Variants in FAM163A observed in about 807,000 individuals in gnomAD.
The protein encoded by FAM163A is family with sequence similarity 163 member A.
A neutral mutation model predicts 12.0 loss-of-function variants in FAM163A; 7 were observed. The observed-to-expected ratio is 0.58, with a 90% confidence interval of 0.33 to 1.10. FAM163A has a LOEUF of 1.10. FAM163A is among the 50% of genes least tolerant of loss of function. FAM163A has a pLI of 0.03. For missense variants in FAM163A, 202 were observed against 218.6 expected (o/e 0.92, Z 0.48); for synonymous variants, 101 against 91.0 (o/e 1.11, Z -0.62).
chr1:179,728,504 T>C, the FAM163A span, among the ~76,000 whole-genome samples: 1 of 152,184 alleles, frequency 6.6e-6, no homozygotes, highest in African/African-American at 2.4e-5. Context: ...TTTTTCTCTC[T>C]GCAGCTCCTG....
chr1:179,782,911 G>A (rs920803883), intron 1 of FAM163A, among the ~76,000 whole-genome samples: 1 of 152,176 alleles, frequency 6.6e-6, no homozygotes, highest in Non-Finnish European at 1.5e-5. Flanking sequence ...CAGCCTGTGT[G>A]CATTTCCAGC....
At chr1:179,749,169 T>C (rs111696038) in intron 1 of FAM163A, among the ~76,000 whole-genome samples, 17 of 152,338 alleles carry the variant, frequency 1.1e-4, no homozygotes, top group African/African-American at 4.1e-4. Flanking sequence ...CTCTCATTCA[T>C]CTACTCTTGC....
chr1:179,789,758 C>T (rs556664941), intron 1 of FAM163A, among the ~76,000 whole-genome samples: 1 of 152,256 alleles, frequency 6.6e-6, no homozygotes, highest in East Asian at 1.9e-4. Flanking sequence ...AGAACACAGG[C>T]ACTCAAAGGC....
At chr1:179,802,884 G>A (rs1333015668) in intron 1 of FAM163A, among the ~76,000 whole-genome samples, 1 of 151,968 alleles carries the variant, frequency 6.6e-6, no homozygotes, top group East Asian at 1.9e-4. Flanking sequence ...GTTATATTGG[G>A]GTTCTTGGGG....
At chr1:179,748,493 T>A (rs551807119) in intron 1 of FAM163A, among the ~76,000 whole-genome samples, 1 of 152,188 alleles carries the variant, frequency 6.6e-6, no homozygotes. Context: ...ATTCAGAAAA[T>A]GTCTGTTGTC....
At chr1:179,778,909 G>A (rs771784756) in intron 1 of FAM163A, among the ~76,000 whole-genome samples, 2 of 152,188 alleles carry the variant, frequency 1.3e-5, no homozygotes, top group Non-Finnish European at 2.9e-5. Flanking sequence ...TAGAGGCTCC[G>A]AGCTAGACTC....
chr1:179,772,313 C>T (rs962635583), intron 1 of FAM163A, among the ~76,000 whole-genome samples: 10 of 152,176 alleles, frequency 6.6e-5, no homozygotes, highest in African/African-American at 2.2e-4. Flanking sequence ...TTCCTCCAAC[C>T]CTCACCCTTG....
chr1:179,783,127 C>G (rs534584634), intron 1 of FAM163A, among the ~76,000 whole-genome samples: 206 of 100,872 alleles, frequency 2.0e-3, no homozygotes, highest in African/African-American at 7.8e-3. Flanking sequence ...GAAACTCCGT[C>G]TTAAAAAAAA....
chr1:179,809,917 C>T (rs1212950297), intron 2 of FAM163A, among the ~76,000 whole-genome samples: 1 of 152,130 alleles, frequency 6.6e-6, no homozygotes, highest in African/African-American at 2.4e-5. Context: ...GAAGCATGGC[C>T]CGCCATGCAC....
At chr1:179,734,330 C>G in the FAM163A span, among the ~76,000 whole-genome samples, 2 of 152,322 alleles carry the variant, frequency 1.3e-5, no homozygotes, top group East Asian at 3.9e-4. Flanking sequence ...ATTGACTAAA[C>G]AGTACTTGAC....
chr1:179,756,484 A>G (rs1686040842), intron 1 of FAM163A, among the ~76,000 whole-genome samples: 1 of 152,230 alleles, frequency 6.6e-6, no homozygotes, highest in African/African-American at 2.4e-5. Flanking sequence ...GCCATTAATT[A>G]AACAGTAGAA....
intron 1 of FAM163A, among the ~76,000 whole-genome samples, chr1:179,762,287 G>A (rs1474727308): frequency 6.6e-6 from 1 of 152,208 alleles, no homozygotes; most frequent in Non-Finnish European, 1.5e-5. Flanking sequence ...AGATTTATAA[G>A]TAGATGCCTG....
chr1:179,744,706 T>A (rs1684202501), intron 1 of FAM163A, among the ~76,000 whole-genome samples: 1 of 152,070 alleles, frequency 6.6e-6, no homozygotes, highest in Admixed American at 6.5e-5. Context: ...AGGCACTTTC[T>A]CCTGTCATTT....
chr1:179,747,322 T>G (rs1204329257), intron 1 of FAM163A, among the ~76,000 whole-genome samples: 1 of 152,216 alleles, frequency 6.6e-6, no homozygotes, highest in Non-Finnish European at 1.5e-5. Flanking sequence ...CCCGGCTCAG[T>G]TCCCCCTACT....
At chr1:179,808,324 A>C (rs116540815) in intron 2 of FAM163A, among the ~76,000 whole-genome samples, 6 of 152,386 alleles carry the variant, frequency 3.9e-5, no homozygotes, top group Non-Finnish European at 7.3e-5. Flanking sequence ...CCACAAACTC[A>C]GCAGCTTAAA....
chr1:179,737,933 T>C, the FAM163A span, among the ~76,000 whole-genome samples: 2 of 152,230 alleles, frequency 1.3e-5, no homozygotes, highest in Non-Finnish European at 2.9e-5. Context: ...GGTTTCGCAG[T>C]ATGTCCAAAC....
At chr1:179,744,415 C>T (rs922236332) in intron 1 of FAM163A, among the ~76,000 whole-genome samples, 3 of 152,196 alleles carry the variant, frequency 2.0e-5, no homozygotes, top group African/African-American at 7.2e-5. Flanking sequence ...CGCCACCCGG[C>T]CTGGCCTGGG....
intron 1 of FAM163A, among the ~76,000 whole-genome samples, chr1:179,774,407 C>T (rs1688669997): frequency 6.6e-6 from 1 of 152,212 alleles, no homozygotes; most frequent in Non-Finnish European, 1.5e-5. Flanking sequence ...CAAGGATGAG[C>T]TTTAGGGGTT....
intron 1 of FAM163A, among the ~76,000 whole-genome samples, chr1:179,743,916 G>A (rs1684038577): frequency 6.6e-6 from 1 of 152,196 alleles, no homozygotes; most frequent in East Asian, 1.9e-4. Context: ...GGGAGCATGA[G>A]GCCGGGGCAG....
Sources: allele counts gnomAD v4.1 joint callset (sites outside exome capture counted in the v4.1 genomes callset), GRCh38; gene constraint gnomAD v4.1.1; transcripts MANE v1.5; gene names NCBI Gene and HGNC (gene_info 2026-07-23, HGNC 2026-07-21).